The following NEDD4L variants were observed in gnomAD, a reference collection of about 807,000 sequenced individuals.
The protein encoded by NEDD4L is E3 ubiquitin-protein ligase NEDD4-like.
In NEDD4L, 54 loss-of-function variants were observed where a neutral mutation model predicts 148.9. The observed-to-expected ratio is 0.36, with a 90% CI of 0.29 to 0.45. NEDD4L has a LOEUF of 0.45. Ranked by LOEUF, NEDD4L falls within the 20% of genes least tolerant of loss-of-function variation. NEDD4L has a pLI of 1.00. For synonymous variants in NEDD4L, 433 were observed against 440.7 expected (o/e 0.98, Z 0.22); for missense variants, 856 against 1,233.8 (o/e 0.69, Z 4.59).
At chr18:58,371,012 A>T (rs1044097226) in intron 23 of NEDD4L, among the ~76,000 whole-genome samples, 1 of 151,926 alleles carries the variant, frequency 6.6e-6, no homozygotes, top group Non-Finnish European at 1.5e-5. Flanking sequence ...TAGACAGACC[A>T]TTTTAGAGTT....
chr18:58,102,288 C>T (rs1192248643), intron 1 of NEDD4L, among the ~76,000 whole-genome samples: 1 of 152,106 alleles, frequency 6.6e-6, no homozygotes, highest in Non-Finnish European at 1.5e-5. Context: ...TCCAGAGACA[C>T]AGGGCCTAGG....
rs374798434 is a variant in NEDD4L at position 58,082,004 on chromosome 18, A to G, written c.48+37296A>G. Reference sequence around the variant, plus strand: ...CATTTTGTTTGCATTTTAAAAAGGAATGGTACAGGAAATGATTGTAATCCA... The same window carrying G: ...CATTTTGTTTGCATTTTAAAAAGGAGTGGTACAGGAAATGATTGTAATCCA... On this transcript the variant is annotated intron_variant, in intron 1 of 30. Coordinates refer to ENST00000400345, the MANE Select transcript of NEDD4L (RefSeq NM_001144967.3). Among the ~76,000 whole-genome samples the G allele has an allele frequency of 8.0e-5, 12 of 150,144 alleles. No homozygotes were observed. In the South Asian group the frequency reaches 1.3e-3, roughly 16 times the overall value.
chr18:58,161,056 G>A (rs977676952), intron 1 of NEDD4L, among the ~76,000 whole-genome samples: 8 of 151,302 alleles, frequency 5.3e-5, no homozygotes, highest in South Asian at 4.2e-4. Flanking sequence ...TCACTCTGTC[G>A]CCCAGGCTGG....
intron 5 of NEDD4L, chr18:58,255,546 T>G: frequency 4.9e-6 from 6 of 1,231,504 alleles, no homozygotes; most frequent in Non-Finnish European, 5.1e-6. Context: ...GATGGGACAC[T>G]TTTTCTTGGA....
chr18:58,341,629 C>G, intron 14 of NEDD4L, 49 bp from the exon 15 acceptor site: 2 of 1,581,802 alleles, frequency 1.3e-6, no homozygotes, highest in Non-Finnish European at 1.7e-6. Context: ...TAATCACACA[C>G]ACCGGGAGAT....
intron 2 of NEDD4L, among the ~76,000 whole-genome samples, chr18:58,175,716 C>T (rs919803269): frequency 9.9e-5 from 15 of 152,242 alleles, no homozygotes; most frequent in Non-Finnish European, 2.1e-4. Flanking sequence ...TGTATTCCTT[C>T]CCACCCCCCA....
At chr18:58,093,827 A>C (rs1320023411) in intron 1 of NEDD4L, among the ~76,000 whole-genome samples, 1 of 152,200 alleles carries the variant, frequency 6.6e-6, no homozygotes, top group Admixed American at 6.5e-5. Flanking sequence ...GAACATCTAA[A>C]ATAGGTTAAA....
intron 1 of NEDD4L, among the ~76,000 whole-genome samples, chr18:58,113,491 A>G (rs985142912): frequency 6.6e-6 from 1 of 152,086 alleles, no homozygotes; most frequent in Non-Finnish European, 1.5e-5. Flanking sequence ...AGCAGGAAAA[A>G]TCTTTAGCTG....
chr18:58,289,712 A>G (rs1177125537), intron 5 of NEDD4L, among the ~76,000 whole-genome samples: 1 of 152,220 alleles, frequency 6.6e-6, no homozygotes. Context: ...ACCACCAAGT[A>G]TTTATTGAGT....
intron 24 of NEDD4L, among the ~76,000 whole-genome samples, chr18:58,375,174 C>T (rs924255478): frequency 2.2e-4 from 33 of 152,228 alleles, no homozygotes; most frequent in Non-Finnish European, 4.9e-4. Context: ...GCTTGCTGTG[C>T]CCCGTGACTC....
chr18:58,071,261 G>C (rs1410136930), intron 1 of NEDD4L, among the ~76,000 whole-genome samples: 1 of 152,126 alleles, frequency 6.6e-6, no homozygotes, highest in Non-Finnish European at 1.5e-5. Context: ...AGTGAGCCAT[G>C]GTCATGATCA....
chr18:58,149,534 A>G (rs1473526543), intron 1 of NEDD4L: 1 of 1,551,194 alleles, frequency 6.4e-7, no homozygotes, highest in Non-Finnish European at 8.7e-7. Flanking sequence ...GTATTCTCCT[A>G]AATGAGACGT....
chr18:58,320,129 G>T (rs2058648617), intron 6 of NEDD4L, among the ~76,000 whole-genome samples: 1 of 152,130 alleles, frequency 6.6e-6, no homozygotes, highest in East Asian at 1.9e-4. Flanking sequence ...GTCCCTCTAA[G>T]CTCCGTGGTT....
chr18:58,325,624 T>C (rs1461964375), intron 9 of NEDD4L, among the ~76,000 whole-genome samples: 1 of 152,232 alleles, frequency 6.6e-6, no homozygotes, highest in Non-Finnish European at 1.5e-5. Flanking sequence ...AAAAATTTTT[T>C]TTTCTTTAAG....
intron 1 of NEDD4L, among the ~76,000 whole-genome samples, chr18:58,074,313 C>T (rs1487769042): frequency 6.6e-6 from 1 of 150,564 alleles, no homozygotes; most frequent in East Asian, 1.9e-4. Context: ...GGTTGGAGTG[C>T]AGTGATGCCA....
At chr18:58,217,540 T>C (rs938857673) in intron 2 of NEDD4L, among the ~76,000 whole-genome samples, 1 of 152,228 alleles carries the variant, frequency 6.6e-6, no homozygotes, top group Non-Finnish European at 1.5e-5. Flanking sequence ...CATGGTGTGA[T>C]TGCAGCTCAC....
intron 1 of NEDD4L, among the ~76,000 whole-genome samples, chr18:58,142,212 A>G (rs1382436560): frequency 2.4e-5 from 1 of 41,408 alleles, no homozygotes; most frequent in Non-Finnish European, 5.6e-5. Flanking sequence ...ACGCCCGGCT[A>G]ATTTTTTTTT....
chr18:58,082,000 A>T (rs1379552915), intron 1 of NEDD4L, among the ~76,000 whole-genome samples: 1 of 150,734 alleles, frequency 6.6e-6, no homozygotes, highest in Non-Finnish European at 1.5e-5. Context: ...CATTTTAAAA[A>T]GGAATGGTAC....
At chr18:58,247,267 G>A (rs2047378872) in intron 3 of NEDD4L, 1 of 152,176 alleles carries the variant, frequency 6.6e-6, no homozygotes. Flanking sequence ...AACCGTAACT[G>A]CAGCGTGTCC....
Sources: gnomAD v4.1 joint callset for allele counts (sites outside exome capture counted in the v4.1 genomes callset) on GRCh38, gnomAD v4.1.1 for gene constraint, MANE v1.5 for transcripts, NCBI Gene and HGNC (gene_info 2026-07-23, HGNC 2026-07-21) for gene names.